Variants in DPP6 observed in about 807,000 individuals in gnomAD.
DPP6 encodes the protein dipeptidyl peptidase like 6, also known as A-type potassium channel modulatory protein DPP6.
Under a neutral mutation model 122.6 loss-of-function variants are expected in DPP6, and 69 were observed. That is an observed-to-expected ratio of 0.56 (90% confidence interval 0.46 to 0.69). DPP6 has a LOEUF of 0.69. Among genes scored for constraint, DPP6 ranks in the 30% least tolerant of loss-of-function variants. The pLI, the probability that DPP6 is intolerant of heterozygous loss-of-function variation, is 0.00. For synonymous variants in DPP6, 418 were observed against 433.1 expected (o/e 0.97, Z 0.43); for missense variants, 928 against 1,116.9 (o/e 0.83, Z 2.41).
intron 1 of DPP6, among the ~76,000 whole-genome samples, chr7:153,994,401 G>T (rs1050410473): frequency 1.3e-5 from 2 of 151,202 alleles, no homozygotes; most frequent in African/African-American, 4.9e-5. Flanking sequence ...TTACCCAAGG[G>T]CTAATTTTTA....
chr7:154,466,565 C>G (rs557344590), intron 2 of DPP6, among the ~76,000 whole-genome samples: 11 of 152,252 alleles, frequency 7.2e-5, no homozygotes, highest in African/African-American at 2.6e-4. Flanking sequence ...TTCTCTTCCT[C>G]TTTTTTAAGT....
chr7:153,866,792 G>T, the DPP6 span, among the ~76,000 whole-genome samples: 1 of 151,990 alleles, frequency 6.6e-6, no homozygotes, highest in Admixed American at 6.6e-5. Flanking sequence ...GGTCTAACAT[G>T]TAAGTCTTTA....
chr7:154,280,983 T>TTTTATTTATTTATTTATTTATTTA (rs146635527), intron 1 of DPP6, among the ~76,000 whole-genome samples: 1 of 142,992 alleles, frequency 7.0e-6, no homozygotes, highest in African/African-American at 2.7e-5. Flanking sequence ...TTATTTCTTA[T>TTTTATTTATTTATTTATTTATTTA]TTTATTTATT....
intron 1 of DPP6, among the ~76,000 whole-genome samples, chr7:153,989,428 G>A (rs538040637): frequency 1.3e-5 from 2 of 151,522 alleles, no homozygotes; most frequent in East Asian, 4.0e-4. Flanking sequence ...AGGGCGGGCC[G>A]CGCTTGGCAT....
In DPP6 at chr7:154,785,934, T is replaced by C. The variant is rs545133362; in HGVS notation, c.1137-8145T>C. On this transcript the variant is annotated intron_variant, in intron 10 of 25. Transcript: ENST00000377770. ...CTCTCTCTCCTTTTTTCAAATCCTC[T>C]CAGCTATTCTGTTGCATTGCCCTTT... Among the ~76,000 whole-genome samples the C allele has an allele frequency of 1.6e-3, 240 of 152,330 alleles. 1 individual carries two copies. The highest frequency in any genetic ancestry group is 5.6e-3 in the African/African-American group (231 of 41,582).
At chr7:153,932,962 GTC>G (rs1028788162) in intron 1 of DPP6, among the ~76,000 whole-genome samples, 3 of 152,136 alleles carry the variant, frequency 2.0e-5, no homozygotes, top group Non-Finnish European at 4.4e-5. Context: ...TAGTGAATAA[GTC>G]TCGCAAGATC....
the DPP6 span, among the ~76,000 whole-genome samples, chr7:153,761,978 G>A: frequency 6.6e-6 from 1 of 152,174 alleles, no homozygotes; most frequent in African/African-American, 2.4e-5. Flanking sequence ...GGTCAGTGTG[G>A]TTTAGGTAGG....
intron 1 of DPP6, among the ~76,000 whole-genome samples, chr7:153,921,759 C>T (rs1413341070): frequency 6.6e-6 from 1 of 152,216 alleles, no homozygotes. Flanking sequence ...TGGATTAGGA[C>T]ACATCACTTA....
Position 154,629,392 on chromosome 7 carries a change from C to T in DPP6, c.628-8429C>T, listed in dbSNP as rs905497725. Among the ~76,000 whole-genome samples the T allele has an allele frequency of 2.4e-4, 37 of 151,932 alleles. 3 individuals are homozygous for T. Among genetic ancestry groups the T allele is most frequent in the Non-Finnish European group, 4.4e-5 (3 of 67,994 alleles). ...CACCCCTGACATCTCATGCAGATAA[C>T]TTTCCTTTTTTTTCTCTTTTTTACC... On this transcript the variant is annotated intron_variant, in intron 5 of 25. Coordinates refer to ENST00000377770, the MANE Select transcript of DPP6 (RefSeq NM_130797.4).
At chr7:153,752,116 G>A in the DPP6 span, among the ~76,000 whole-genome samples, 59 of 151,960 alleles carry the variant, frequency 3.9e-4, no homozygotes, top group African/African-American at 1.2e-3. Context: ...TGTGGGGCTC[G>A]CAGCAGGACC....
intron 1 of DPP6, among the ~76,000 whole-genome samples, chr7:153,892,132 C>G (rs1235726436): frequency 1.3e-5 from 2 of 152,220 alleles, no homozygotes; most frequent in Non-Finnish European, 2.9e-5. Flanking sequence ...GATAAAACAT[C>G]TGAATGTGAA....
chr7:154,093,329 A>C (rs1805017553), intron 1 of DPP6, among the ~76,000 whole-genome samples: 1 of 145,778 alleles, frequency 6.9e-6, no homozygotes, highest in Non-Finnish European at 1.5e-5. Context: ...CACAACCTAC[A>C]CACCACATCA....
chr7:154,360,354 T>C (rs1185601105), intron 1 of DPP6, among the ~76,000 whole-genome samples: 1 of 152,158 alleles, frequency 6.6e-6, no homozygotes, highest in African/African-American at 2.4e-5. Flanking sequence ...CTTGAGTGAC[T>C]TCCTTCAATT....
intron 6 of DPP6, among the ~76,000 whole-genome samples, chr7:154,654,361 T>A (rs367977954): frequency 8.4e-6 from 1 of 119,024 alleles, no homozygotes. Flanking sequence ...CGATCCATCT[T>A]TAGTGAGTGG....
At chr7:154,127,612 CACACACACACACACACACACAG>C in intron 1 of DPP6, among the ~76,000 whole-genome samples, 1 of 100,048 alleles carries the variant, frequency 1.0e-5, no homozygotes, top group Non-Finnish European at 2.0e-5. Flanking sequence ...CACACACACA[CACACACACACACACACACACAG>C]ACACACACAC....
chr7:154,272,360 A>G (rs1803851081), intron 1 of DPP6, among the ~76,000 whole-genome samples: 1 of 152,238 alleles, frequency 6.6e-6, no homozygotes, highest in South Asian at 2.1e-4. Flanking sequence ...CTTTTGGGAC[A>G]GCTGTGGATT....
intron 1 of DPP6, among the ~76,000 whole-genome samples, chr7:154,044,419 G>A (rs913046313): frequency 1.3e-5 from 2 of 152,108 alleles, no homozygotes; most frequent in Admixed American, 6.5e-5. Flanking sequence ...GAACCCACAT[G>A]TATGCATGAA....
chr7:154,198,490 T>G (rs571077122), intron 1 of DPP6, among the ~76,000 whole-genome samples: 2 of 152,112 alleles, frequency 1.3e-5, no homozygotes, highest in Non-Finnish European at 2.9e-5. Context: ...TTTTTTGTAT[T>G]CTTAGTAGAG....
chr7:154,130,454 A>T (rs1309316635), intron 1 of DPP6, among the ~76,000 whole-genome samples: 1 of 152,204 alleles, frequency 6.6e-6, no homozygotes, highest in Non-Finnish European at 1.5e-5. Flanking sequence ...AGGTAATGCT[A>T]TGTGAGAATG....
Sources: gnomAD v4.1 joint callset for allele counts (sites outside exome capture counted in the v4.1 genomes callset) on GRCh38, gnomAD v4.1.1 for gene constraint, MANE v1.5 for transcripts, NCBI Gene and HGNC (gene_info 2026-07-23, HGNC 2026-07-21) for gene names.